The following MEGF9 variants were observed in gnomAD, a reference collection of about 807,000 sequenced individuals.
MEGF9 encodes the protein multiple epidermal growth factor-like domains protein 9.
MEGF9 carries 6 observed loss-of-function variants against 46.8 expected under a neutral mutation model. The ratio of observed to expected loss-of-function variants is 0.13; its 90% CI spans 0.07 to 0.25. The LOEUF is 0.25. Ranked by LOEUF, MEGF9 falls within the 10% of genes least tolerant of loss-of-function variation. The pLI is 1.00. For synonymous variants in MEGF9, 302 were observed against 330.7 expected (o/e 0.91, Z 0.94); for missense variants, 683 against 792.4 (o/e 0.86, Z 1.66).
intron 1 of MEGF9, among the ~76,000 whole-genome samples, chr9:120,712,560 G>A (rs1031301543): frequency 6.6e-6 from 1 of 152,218 alleles, no homozygotes; most frequent in Non-Finnish European, 1.5e-5. Context: ...AGCTGGAAGA[G>A]ATGCACACTT....
chr9:120,683,059 A>T (rs1317189853), intron 1 of MEGF9, among the ~76,000 whole-genome samples: 4 of 152,174 alleles, frequency 2.6e-5, no homozygotes, highest in African/African-American at 4.8e-5. Flanking sequence ...AGGAGAATAT[A>T]CATATTAGAA....
At chr9:120,629,104 T>G (rs1182208139) in intron 2 of MEGF9, among the ~76,000 whole-genome samples, 1 of 152,140 alleles carries the variant, frequency 6.6e-6, no homozygotes, top group Non-Finnish European at 1.5e-5. Context: ...ATCTCTTGAG[T>G]GTGGAACTAC....
At chr9:120,694,667 A>G (rs905753522) in intron 1 of MEGF9, among the ~76,000 whole-genome samples, 15 of 152,178 alleles carry the variant, frequency 9.9e-5, no homozygotes, top group African/African-American at 3.4e-4. Context: ...CTGGTTATAC[A>G]CAAAAGGAGG....
intron 1 of MEGF9, among the ~76,000 whole-genome samples, chr9:120,683,441 A>G (rs1168500893): frequency 6.6e-6 from 1 of 152,166 alleles, no homozygotes; most frequent in Non-Finnish European, 1.5e-5. Flanking sequence ...AGTTTCCCTC[A>G]TGCTCTTCTA....
At chr9:120,647,497 T>A (rs1452724688) in intron 2 of MEGF9, among the ~76,000 whole-genome samples, 1 of 152,212 alleles carries the variant, frequency 6.6e-6, no homozygotes, top group African/African-American at 2.4e-5. Flanking sequence ...AGCAGTTACC[T>A]ACTTTTGATC....
In MEGF9 at chr9:120,605,617, C is replaced by G. The variant is rs1221547080; in HGVS notation, c.1382G>C (p.Gly461Ala). 3.8e-6 allele frequency: 6 copies of G among 1,578,714 alleles called. No individual in the cohort carries two copies. The highest frequency in any genetic ancestry group is 1.2e-5 in the South Asian group (1 of 86,866). Residue 461 changes from glycine to alanine, a missense_variant, in exon 6 of 6, where the codon GGT becomes GCT. Gly to Ala is a moderately conservative substitution (Grantham distance 60). Around this residue, in one of 2 missense-constraint regions of MEGF9, gnomAD observed 313 missense variants for 421.1 expected, o/e 0.74. Coordinates refer to ENST00000373930, the MANE Select transcript of MEGF9 (RefSeq NM_001080497.3). This position sits in a 1 kb window ranked among gnomAD's most constrained non-coding sequence, Gnocchi z 4.0. ...GGCATTGGAAACCAAAATGGTAGAA[C>G]CTTCAGGTGTTGGAAGAATAACTTC... is the stretch of plus-strand genomic sequence containing the variant. ...KKEVILPTPEGSTILVSNASL... is the reference protein window; with the variant it reads ...KKEVILPTPEASTILVSNASL...
At chr9:120,667,088 T>C (rs764428422) in intron 1 of MEGF9, among the ~76,000 whole-genome samples, 1 of 152,098 alleles carries the variant, frequency 6.6e-6, no homozygotes, top group Non-Finnish European at 1.5e-5. Context: ...TGCAAAAAAA[T>C]TTTTTTAAGC....
rs772929092 is a variant in MEGF9, at chr9:120,605,683, A to T, written c.1358-42T>A. On this transcript the variant is annotated intron_variant, in intron 5 of 5. Transcript: ENST00000373930. This position sits in a 1 kb window ranked among gnomAD's most constrained non-coding sequence, Gnocchi z 4.0. ...AGAATGAAATGTAAAAGACAAAATT[A>T]TCTAGTTTTGAGAAACAATAAAAGA... is the stretch of plus-strand genomic sequence containing the variant. 1.4e-5 allele frequency: 20 copies of T among 1,400,402 alleles called. No homozygotes were observed. The highest frequency in any genetic ancestry group is 8.7e-6 in the Non-Finnish European group (9 of 1,036,624). The allele number at this position is 1,400,402 out of a possible 1,614,324, so 86.7% of individuals were successfully genotyped here.
At chr9:120,618,347 C>A (rs1349707638) in intron 3 of MEGF9, among the ~76,000 whole-genome samples, 1 of 152,110 alleles carries the variant, frequency 6.6e-6, no homozygotes, top group Non-Finnish European at 1.5e-5. Context: ...GCATGATACT[C>A]TGAAGTAAGT....
intron 1 of MEGF9, among the ~76,000 whole-genome samples, chr9:120,680,302 T>G (rs575693435): frequency 6.6e-6 from 1 of 152,242 alleles, no homozygotes; most frequent in Admixed American, 6.5e-5. Flanking sequence ...TGTGTGTGCC[T>G]CTCCTTCTTG....
chr9:120,652,188 A>AC (rs2043654930), intron 2 of MEGF9, among the ~76,000 whole-genome samples: 3 of 140,452 alleles, frequency 2.1e-5, no homozygotes, highest in African/African-American at 7.8e-5. Flanking sequence ...ACACAAAAAA[A>AC]AAAAAAAAAA....
intron 1 of MEGF9, among the ~76,000 whole-genome samples, chr9:120,707,009 A>G (rs184827711): frequency 7.6e-4 from 116 of 152,322 alleles, no homozygotes; most frequent in Non-Finnish European, 1.5e-3. Context: ...GTATTTCTTT[A>G]AATGCCAATA....
intron 1 of MEGF9, among the ~76,000 whole-genome samples, chr9:120,660,103 T>G (rs2043695503): frequency 6.6e-6 from 1 of 152,092 alleles, no homozygotes; most frequent in South Asian, 2.1e-4. Flanking sequence ...AGGAGAAAGT[T>G]TACAGGTTCA....
intron 5 of MEGF9, among the ~76,000 whole-genome samples, chr9:120,606,108 T>C (rs1280075178): frequency 2.0e-5 from 3 of 151,220 alleles, no homozygotes; most frequent in Admixed American, 6.6e-5. Context: ...GAGGCAGAGG[T>C]TGCAGTGAGC....
At chr9:120,702,640 G>C (rs1003738542) in intron 1 of MEGF9, among the ~76,000 whole-genome samples, 3 of 152,168 alleles carry the variant, frequency 2.0e-5, no homozygotes, top group African/African-American at 7.2e-5. Flanking sequence ...TAAAATGTTA[G>C]AGTAGGAGAA....
At chr9:120,632,371 T>C (rs1241980298) in intron 2 of MEGF9, among the ~76,000 whole-genome samples, 1 of 151,510 alleles carries the variant, frequency 6.6e-6, no homozygotes, top group East Asian at 1.9e-4. Flanking sequence ...TTAAATAGGA[T>C]TGGTTTTTTA....
At chr9:120,713,124 C>T (rs1386805309) in intron 1 of MEGF9, among the ~76,000 whole-genome samples, 1 of 152,204 alleles carries the variant, frequency 6.6e-6, no homozygotes, top group East Asian at 1.9e-4. Flanking sequence ...TAAATGTGCT[C>T]AGCCTAGATA....
intron 2 of MEGF9, among the ~76,000 whole-genome samples, chr9:120,628,474 T>G (rs907614052): frequency 1.4e-5 from 2 of 139,068 alleles, no homozygotes; most frequent in Admixed American, 7.2e-5. Context: ...CGTTGTTTTT[T>G]TTTTTTTTTT....
At chr9:120,661,409 C>T (rs917360519) in intron 1 of MEGF9, among the ~76,000 whole-genome samples, 18 of 152,226 alleles carry the variant, frequency 1.2e-4, no homozygotes, top group African/African-American at 3.6e-4. Flanking sequence ...CCTCGCTACT[C>T]GGGAGGCTGA....
Sources: allele counts gnomAD v4.1 joint callset (sites outside exome capture counted in the v4.1 genomes callset), GRCh38; gene constraint gnomAD v4.1.1; regional missense constraint gnomAD v4.1.1; non-coding constraint Gnocchi (gnomAD v3.1); transcripts MANE v1.5; gene names NCBI Gene and HGNC (gene_info 2026-07-23, HGNC 2026-07-21).